FBXL17: variants seen among roughly 807,000 people sequenced by gnomAD.
FBXL17 encodes the protein F-box/LRR-repeat protein 17.
A neutral mutation model predicts 66.2 loss-of-function variants in FBXL17; 22 were observed. That is an observed-to-expected ratio of 0.33 (90% CI 0.24 to 0.47). FBXL17 has a LOEUF of 0.47. Ranked by LOEUF, FBXL17 falls within the 20% of genes least tolerant of loss-of-function variation. FBXL17 has a pLI of 1.00. For synonymous variants in FBXL17, 474 were observed against 400.5 expected, an observed-to-expected ratio of 1.18 and a Z score of -2.19; for missense variants, 878 against 948.2, an observed-to-expected ratio of 0.93 and a Z score of 0.97.
chr5:107,891,211 T>C (rs910988801), intron 7 of FBXL17, among the ~76,000 whole-genome samples: 2 of 152,032 alleles, frequency 1.3e-5, no homozygotes. Flanking sequence ...TGCCAAGCCA[T>C]GAGGTAGGAA....
intron 4 of FBXL17, among the ~76,000 whole-genome samples, chr5:108,281,324 G>A (rs1223171627): frequency 6.6e-6 from 1 of 151,664 alleles, no homozygotes; most frequent in Non-Finnish European, 1.5e-5. Flanking sequence ...ATCTTCTCAG[G>A]CCACAGTAGA....
In FBXL17 at chr5:108,080,259, A is replaced by G. The variant is rs188556069; in HGVS notation, c.1746-59258T>C. Reference sequence around the variant, plus strand: ...AAAAACTTAATTTTCACATAGAAATACAAAGGATAATAACCTGTTCTATTA... The same window carrying G: ...AAAAACTTAATTTTCACATAGAAATGCAAAGGATAATAACCTGTTCTATTA... On this transcript the variant is annotated intron_variant, in intron 6 of 8. Coordinates refer to ENST00000542267, the MANE Select transcript of FBXL17 (RefSeq NM_001163315.3). Among the ~76,000 whole-genome samples the G allele has an allele frequency of 2.6e-5, 4 of 152,350 alleles. No individual in the cohort carries two copies. In the East Asian group the frequency reaches 7.7e-4, roughly 29 times the overall value.
intron 6 of FBXL17, among the ~76,000 whole-genome samples, chr5:108,180,385 A>T (rs1752954090): frequency 6.6e-6 from 1 of 151,966 alleles, no homozygotes; most frequent in African/African-American, 2.4e-5. Flanking sequence ...GTGGGGCTGT[A>T]AACCCAGCTA....
intron 7 of FBXL17, among the ~76,000 whole-genome samples, chr5:107,941,356 C>T (rs948459136): frequency 3.9e-5 from 6 of 152,164 alleles, no homozygotes; most frequent in African/African-American, 1.4e-4. Context: ...TGAATCATTG[C>T]ACTACTCTAC....
At position 107,860,371 on chromosome 5, in the gene FBXL17, G is replaced by A. The variant is rs1035561746; in HGVS notation, c.*1349C>T. On this transcript the variant is annotated 3_prime_UTR_variant, in exon 9 of 9. Coordinates refer to ENST00000542267, the MANE Select transcript of FBXL17 (RefSeq NM_001163315.3). ...GATAATCACTCTTTAGCTTAAAAAG[G>A]CTCCCTGATGTCCTCATTATAAATC... 6.6e-6 allele frequency: 1 copy of A among 152,520 alleles called. No homozygotes were observed. The highest frequency in any genetic ancestry group is 6.5e-5 in the Admixed American group (1 of 15,276). 9.4% of individuals were successfully genotyped at this position (152,520 alleles called of 1,614,324 possible). A position where few individuals can be genotyped will look rare whatever the true frequency, so the allele number is the denominator to read the frequency against.
intron 6 of FBXL17, among the ~76,000 whole-genome samples, chr5:108,184,960 T>C (rs1286744599): frequency 6.6e-6 from 1 of 152,154 alleles, no homozygotes; most frequent in Non-Finnish European, 1.5e-5. Context: ...AATCCTCTCA[T>C]GCTCATATTT....
chr5:108,215,036 A>G (rs1462404261), intron 5 of FBXL17, among the ~76,000 whole-genome samples: 1 of 152,236 alleles, frequency 6.6e-6, no homozygotes, highest in Non-Finnish European at 1.5e-5. Context: ...AGCATATTTC[A>G]GAACATCATT....
At chr5:108,003,715 T>C (rs1351616658) in intron 7 of FBXL17, among the ~76,000 whole-genome samples, 3 of 152,092 alleles carry the variant, frequency 2.0e-5, no homozygotes, top group Admixed American at 6.5e-5. Flanking sequence ...ATCCAACAGA[T>C]AGCTTACAGA....
intron 6 of FBXL17, among the ~76,000 whole-genome samples, chr5:108,082,712 A>G (rs1748816934): frequency 6.6e-6 from 1 of 152,196 alleles, no homozygotes; most frequent in Admixed American, 6.5e-5. Context: ...AATAATAATA[A>G]TAGTAATAAT....
intron 4 of FBXL17, among the ~76,000 whole-genome samples, chr5:108,346,639 C>T (rs1044001998): frequency 3.3e-5 from 5 of 152,044 alleles, no homozygotes; most frequent in African/African-American, 9.7e-5. Context: ...AGTTAGGTAA[C>T]AAATACAGTT....
intron 7 of FBXL17, among the ~76,000 whole-genome samples, chr5:108,000,474 A>G (rs1753679045): frequency 6.6e-6 from 1 of 152,220 alleles, no homozygotes; most frequent in Admixed American, 6.5e-5. Flanking sequence ...AGGAAAATCC[A>G]GTCTGTTCTT....
chr5:108,297,559 T>C (rs545468930), intron 4 of FBXL17, among the ~76,000 whole-genome samples: 7 of 151,636 alleles, frequency 4.6e-5, no homozygotes, highest in African/African-American at 7.2e-5. Flanking sequence ...AAACATCACA[T>C]TAACTGTTTA....
intron 3 of FBXL17, among the ~76,000 whole-genome samples, chr5:108,352,447 C>T (rs1453386219): frequency 6.6e-6 from 1 of 152,192 alleles, no homozygotes; most frequent in African/African-American, 2.4e-5. Context: ...CATTAGGATG[C>T]CTTAAATCTA....
chr5:108,123,910 A>G (rs1336936539), intron 6 of FBXL17, among the ~76,000 whole-genome samples: 1 of 152,140 alleles, frequency 6.6e-6, no homozygotes, highest in Non-Finnish European at 1.5e-5. Flanking sequence ...CACGGAACCT[A>G]CGGCTGAGAG....
chr5:108,346,605 C>T (rs998225830), intron 4 of FBXL17, among the ~76,000 whole-genome samples: 2 of 152,104 alleles, frequency 1.3e-5, no homozygotes, highest in East Asian at 3.9e-4. Context: ...TTTAATTTAC[C>T]TTGGATGTAA....
intron 6 of FBXL17, among the ~76,000 whole-genome samples, chr5:108,104,207 T>C (rs1424883757): frequency 6.6e-6 from 1 of 152,182 alleles, no homozygotes; most frequent in Non-Finnish European, 1.5e-5. Context: ...GGATAATTTT[T>C]TGTACTTTTA....
chr5:108,144,280 G>C (rs1022771715), intron 6 of FBXL17, among the ~76,000 whole-genome samples: 13 of 152,066 alleles, frequency 8.5e-5, no homozygotes, highest in African/African-American at 2.9e-4. Flanking sequence ...AAAAGTTGCT[G>C]AAAAAACCAA....
chr5:108,219,318 T>C (rs1186358760), intron 5 of FBXL17, among the ~76,000 whole-genome samples: 1 of 152,178 alleles, frequency 6.6e-6, no homozygotes, highest in African/African-American at 2.4e-5. Flanking sequence ...TATTTCTTCT[T>C]AAGTGAGCTT....
At chr5:107,926,149 A>G (rs552813291) in intron 7 of FBXL17, among the ~76,000 whole-genome samples, 2 of 152,306 alleles carry the variant, frequency 1.3e-5, no homozygotes, top group South Asian at 2.1e-4. Context: ...GTACCTAAAC[A>G]TATCAGGCAC....
Sources: gnomAD v4.1 joint callset for allele counts (sites outside exome capture counted in the v4.1 genomes callset) on GRCh38, gnomAD v4.1.1 for gene constraint, MANE v1.5 for transcripts, NCBI Gene and HGNC (gene_info 2026-07-23, HGNC 2026-07-21) for gene names.